Variants in GRIN2D observed in about 807,000 individuals in gnomAD.
GRIN2D encodes glutamate ionotropic receptor NMDA type subunit 2D, also known as glutamate receptor ionotropic, NMDA 2D.
GRIN2D carries 37 observed loss-of-function variants against 103.2 expected under a neutral mutation model. The observed-to-expected ratio is 0.36, with a 90% CI of 0.28 to 0.47. The LOEUF (loss-of-function observed/expected upper bound fraction) is 0.47. Among genes scored for constraint, GRIN2D ranks in the 20% least tolerant of loss-of-function variants. The pLI is 1.00. For synonymous variants in GRIN2D, 845 were observed against 885.6 expected (o/e 0.95, Z 0.81); for missense variants, 1,557 against 1,910.6 (o/e 0.81, Z 3.45).
At chr19:48,420,045 G>C (rs539678230) in intron 10 of GRIN2D, among the ~76,000 whole-genome samples, 1 of 152,214 alleles carries the variant, frequency 6.6e-6, no homozygotes, top group African/African-American at 2.4e-5. Flanking sequence ...CTAGGGAAGA[G>C]GGTGTCCCTG....
Position 48,442,566 on chromosome 19 carries a change from C to G in GRIN2D, c.2674-34C>G. On this transcript the variant is annotated intron_variant, in intron 13 of 13. Transcript: ENST00000263269. The surrounding 1 kb of genome is among the most constrained non-coding windows in gnomAD (Gnocchi z 7.2). ...AGGCGGGCAGGCGTCCTGGGCATCT[C>G]GCGCTGACCCCCGTCCTGTCCCCGG... 1 of 1,479,548 alleles carries G rather than the reference C, an allele frequency of 6.8e-7. No homozygotes were observed. The highest frequency in any genetic ancestry group is 8.9e-7 in the Non-Finnish European group (1 of 1,121,336). 91.7% of individuals were successfully genotyped at this position (1,479,548 alleles called of 1,614,324 possible). A position where few individuals can be genotyped will look rare whatever the true frequency, so the allele number is the denominator to read the frequency against.
rs369360320 is a variant in GRIN2D at position 48,426,224 on chromosome 19, CTT to C, written c.2252+4295_2252+4296del. On this transcript the variant is annotated intron_variant, in intron 11 of 13. Coordinates refer to ENST00000263269, the MANE Select transcript of GRIN2D (RefSeq NM_000836.4). ...TTTCTTTTTCTTTCTTTCTTTCTTT[CTT>C]TTTTTTTTTTTTTTTCTGAAACAGA... Among the ~76,000 whole-genome samples the C allele has an allele frequency of 4.7e-3, 568 of 120,062 alleles. 3 individuals are homozygous for C. The highest frequency in any genetic ancestry group is 0.019 in the African/African-American group (525 of 27,916). The allele number at this position is 120,062 out of a possible 152,430, so 78.8% of individuals were successfully genotyped here.
chr19:48,441,997 G>A (rs769608934), intron 12 of GRIN2D, 41 bp downstream of exon 12: 11 of 1,564,164 alleles, frequency 7.0e-6, no homozygotes, highest in Non-Finnish European at 7.8e-6. Flanking sequence ...GAGAGGGGGA[G>A]GGCGAGGCCC....
intron 11 of GRIN2D, among the ~76,000 whole-genome samples, chr19:48,429,715 ATG>A (rs35154284): frequency 7.3e-4 from 107 of 146,690 alleles, no homozygotes; most frequent in African/African-American, 1.8e-3. Flanking sequence ...TAATTTTTTA[ATG>A]TGTGTGTGTG....
In GRIN2D at chr19:48,393,673, G is replaced by C. The variant is rs1450898598; in HGVS notation, c.-501G>C. On this transcript the variant is annotated 5_prime_UTR_variant, in exon 1 of 14. Transcript: ENST00000263269. This position sits in a 1 kb window ranked among gnomAD's most constrained non-coding sequence, Gnocchi z 5.6. ...GGGGACTGAATGTTAATCGCATCCC[G>C]AGTGAGTGTGTGTGTGCGAGAACAC... 6.7e-6 allele frequency among the ~76,000 whole-genome samples: 1 copy of C among 149,748 alleles called. No individual in the cohort carries two copies. The highest frequency in any genetic ancestry group is 2.5e-5 in the African/African-American group (1 of 39,216).
chr19:48,428,044 CTTTTT>C (rs549084356), intron 11 of GRIN2D, among the ~76,000 whole-genome samples: 1 of 120,560 alleles, frequency 8.3e-6, no homozygotes. Flanking sequence ...TGGCCAAGTT[CTTTTT>C]TTTTTTTTTT....
Position 48,444,018 on chromosome 19 carries a change from G to C in GRIN2D, c.*81G>C. The C allele has an allele frequency of 1.0e-6, 1 of 957,724 alleles. No homozygotes were observed. Among genetic ancestry groups the C allele is most frequent in the Non-Finnish European group, 1.4e-6 (1 of 708,752 alleles). The allele number at this position is 957,724 out of a possible 1,614,324, so 59.3% of individuals were successfully genotyped here. ...GGCGCCCGCAGTGGACAGGACCCGC[G>C]TGGGTTGGGAAGGAAAGCAGTGGAA... On this transcript the variant is annotated 3_prime_UTR_variant, in exon 14 of 14. Coordinates refer to ENST00000263269, the MANE Select transcript of GRIN2D (RefSeq NM_000836.4). The surrounding 1 kb of genome is among the most constrained non-coding windows in gnomAD (Gnocchi z 5.5).
chr19:48,412,284 G>T (rs1180390978), intron 4 of GRIN2D, among the ~76,000 whole-genome samples: 1 of 150,452 alleles, frequency 6.6e-6, no homozygotes, highest in Admixed American at 6.7e-5. Context: ...AGCCAAGATC[G>T]CACCACTACA....
At position 48,442,691 on chromosome 19, in the gene GRIN2D, C is replaced by A; in HGVS notation, c.2765C>A (p.Ala922Glu). 2 of 1,184,804 alleles carry A rather than the reference C, an allele frequency of 1.7e-6. No homozygotes were observed. The highest frequency in any genetic ancestry group is 2.1e-6 in the Non-Finnish European group (2 of 959,516). The allele number at this position is 1,184,804 out of a possible 1,614,324, so 73.4% of individuals were successfully genotyped here. The change falls in exon 14 of 14, where the codon GCG (alanine) becomes GAG (glutamate). Residue 922 changes from alanine (A) to glutamate (E), a missense_variant. Ala to Glu is a moderately radical substitution (Grantham distance 107, BLOSUM62 -1). Around this residue, in one of 7 missense-constraint regions of GRIN2D, gnomAD observed 632 missense variants for 572.8 expected, o/e 1.10. Coordinates refer to ENST00000263269, the MANE Select transcript of GRIN2D (RefSeq NM_000836.4). This position sits in a 1 kb window ranked among gnomAD's most constrained non-coding sequence, Gnocchi z 7.2. ...CCCCTGCCCAGCCCCGCGTACCCCGCGCCGCGGCCGGCTCCCGGGCCCGCA... is the reference window on the plus strand; with the variant it reads ...CCCCTGCCCAGCCCCGCGTACCCCGAGCCGCGGCCGGCTCCCGGGCCCGCA... Reference protein sequence around the residue: ...PQPLPSPAYPAPRPAPGPAPF... With the variant: ...PQPLPSPAYPEPRPAPGPAPF...
At chr19:48,398,115 C>G (rs1476890513) in intron 2 of GRIN2D, among the ~76,000 whole-genome samples, 2 of 151,596 alleles carry the variant, frequency 1.3e-5, no homozygotes, top group East Asian at 3.9e-4. Context: ...CTCTCTCTAC[C>G]TCTGCCCGTC....
In GRIN2D at chr19:48,443,988, G is replaced by A. The variant is rs1253496994; in HGVS notation, c.*51G>A. ...CCTTGGTCAGCGCAGGCCACGGCCC[G>A]AGGGGGCGCCCGCAGTGGACAGGAC... is the stretch of plus-strand genomic sequence containing the variant. On this transcript the variant is annotated 3_prime_UTR_variant, in exon 14 of 14. Coordinates refer to ENST00000263269, the MANE Select transcript of GRIN2D (RefSeq NM_000836.4). The surrounding 1 kb of genome is among the most constrained non-coding windows in gnomAD (Gnocchi z 8.9). The A allele has an allele frequency of 4.9e-6, 6 of 1,227,958 alleles. No individual in the cohort carries two copies. Among genetic ancestry groups the A allele is most frequent in the Non-Finnish European group, 6.3e-6 (6 of 947,916 alleles). 76.1% of individuals were successfully genotyped at this position (1,227,958 alleles called of 1,614,324 possible).
In GRIN2D at chr19:48,438,287, C is replaced by CTTT. The variant is rs71181697; in HGVS notation, c.2253-3455_2253-3453dup. Among the ~76,000 whole-genome samples, 32 of 57,752 alleles carry CTTT rather than the reference C, an allele frequency of 5.5e-4. 2 individuals carry two copies. The highest frequency in any genetic ancestry group is 1.6e-3 in the African/African-American group (21 of 13,222). 37.9% of individuals were successfully genotyped at this position (57,752 alleles called of 152,430 possible). A position where few individuals can be genotyped will look rare whatever the true frequency, so the allele number is the denominator to read the frequency against. ...TCTCTTCAACTCAGCATCCAGCCGC[C>CTTT]TTTTTTTTTTTTTTTTTTTTTTTTT... On this transcript the variant is annotated intron_variant, in intron 11 of 13. Transcript: ENST00000263269.
intron 11 of GRIN2D, among the ~76,000 whole-genome samples, chr19:48,433,941 C>T (rs938694545): frequency 7.9e-5 from 12 of 151,488 alleles, no homozygotes; most frequent in Admixed American, 1.3e-4. Flanking sequence ...CTCATTTGGC[C>T]GCTTCTTTTC....
At chr19:48,402,028 A>G (rs1970715328) in intron 3 of GRIN2D, among the ~76,000 whole-genome samples, 1 of 151,540 alleles carries the variant, frequency 6.6e-6, no homozygotes, top group Non-Finnish European at 1.5e-5. Flanking sequence ...TGAACTCAGG[A>G]GGTGGAGGTT....
intron 4 of GRIN2D, among the ~76,000 whole-genome samples, chr19:48,412,402 G>A (rs1970874319): frequency 7.9e-6 from 1 of 126,676 alleles, no homozygotes; most frequent in African/African-American, 3.0e-5. Flanking sequence ...AGAAAGAAAA[G>A]AAAGAAAGAA....
intron 9 of GRIN2D, 111 bp downstream of exon 9, chr19:48,419,470 G>A: frequency 2.8e-6 from 4 of 1,415,846 alleles, no homozygotes; most frequent in Non-Finnish European, 3.9e-6. Context: ...GGGCCTCTCG[G>A]GAGGTGCCAG....
chr19:48,402,305 G>A (rs1970726275), intron 3 of GRIN2D, among the ~76,000 whole-genome samples: 1 of 152,088 alleles, frequency 6.6e-6, no homozygotes, highest in Non-Finnish European at 1.5e-5. Flanking sequence ...AAGAAGACTT[G>A]GAGATGGCTG....
intron 3 of GRIN2D, among the ~76,000 whole-genome samples, chr19:48,402,156 GAAAGAA>G (rs747607683): frequency 1.7e-4 from 24 of 142,242 alleles, no homozygotes; most frequent in East Asian, 6.0e-4. Context: ...AAGAAAGAAA[GAAAGAA>G]AGAAAGAGAG....
At chr19:48,395,808 G>A (rs1290435300) in intron 2 of GRIN2D, among the ~76,000 whole-genome samples, 5 of 152,158 alleles carry the variant, frequency 3.3e-5, no homozygotes, top group Non-Finnish European at 7.4e-5. Context: ...GAGGACAGGA[G>A]CCGGAACCCG....
Sources: gnomAD v4.1 joint callset for allele counts (sites outside exome capture counted in the v4.1 genomes callset) on GRCh38, gnomAD v4.1.1 for gene constraint, gnomAD v4.1.1 regional missense constraint, Gnocchi (gnomAD v3.1) non-coding constraint, MANE v1.5 for transcripts, NCBI Gene and HGNC (gene_info 2026-07-23, HGNC 2026-07-21) for gene names.